Variants in ADAMTSL1 observed in about 807,000 individuals in gnomAD.
ADAMTSL1 encodes the protein ADAMTS like 1.
A neutral mutation model predicts 201.8 loss-of-function variants in ADAMTSL1; 126 were observed. The ratio of observed to expected loss-of-function variants is 0.62; its 90% CI spans 0.54 to 0.72. The LOEUF is 0.72. ADAMTSL1 is among the 30% of genes least tolerant of loss of function. ADAMTSL1 has a pLI of 0.00. For missense variants in ADAMTSL1, 2,679 were observed against 2,277.8 expected, an observed-to-expected ratio of 1.18 and a Z score of -3.59; for synonymous variants, 1,121 against 903.4, an observed-to-expected ratio of 1.24 and a Z score of -4.32.
chr9:18,077,563 C>G (rs1482910704), intron 1 of ADAMTSL1, among the ~76,000 whole-genome samples: 2 of 152,128 alleles, frequency 1.3e-5, no homozygotes, highest in African/African-American at 4.8e-5. Flanking sequence ...TATCGGTGAT[C>G]TCACTGAGAA....
Position 18,688,891 on chromosome 9 carries a change from G to A in ADAMTSL1, c.1574+4091G>A, listed in dbSNP as rs547467100. On this transcript the variant is annotated intron_variant, in intron 13 of 28. Transcript: ENST00000380548. ...TTTTTCCGAGGGTAATAGCAGTGCC[G>A]TGCTAGTACTAGAAAAGGGGGGATG... 1.5e-4 allele frequency among the ~76,000 whole-genome samples: 23 copies of A among 150,594 alleles called. 1 individual carries two copies. The South Asian group carries it at 2.1e-3, about 14-fold the overall frequency.
In ADAMTSL1 at chr9:17,911,376, C is replaced by A. The variant is rs1339654998; in HGVS notation, c.87+4454C>A. On this transcript the variant is annotated intron_variant, in intron 1 of 29. Coordinates refer to the ADAMTSL1 transcript ENST00000680146. ...CCAGTAGATATTATCAATTACTTAA[C>A]GATTTCTACAACCTGACTGTAGCAA... Among the ~76,000 whole-genome samples the A allele has an allele frequency of 1.3e-4, 9 of 68,616 alleles. 4 individuals carry two copies. The South Asian group carries it at 6.0e-3, about 46-fold the overall frequency. 45.0% of individuals were successfully genotyped at this position (68,616 alleles called of 152,430 possible). A position where few individuals can be genotyped will look rare whatever the true frequency, so the allele number is the denominator to read the frequency against.
chr9:18,180,285 G>A (rs1262099275), intron 2 of ADAMTSL1, among the ~76,000 whole-genome samples: 1 of 152,190 alleles, frequency 6.6e-6, no homozygotes, highest in Non-Finnish European at 1.5e-5. Context: ...TGTAATCCCA[G>A]CACTTTGGGA....
rs141612230 is a variant in ADAMTSL1, at chr9:18,408,527, C to T, written c.208-96302C>T. Among the ~76,000 whole-genome samples the T allele has an allele frequency of 4.5e-4, 68 of 152,270 alleles. No homozygotes were observed. In the East Asian group the frequency reaches 0.012, roughly 26 times the overall value. ...TATTAAGTACCTAGTATGTGCTGGT[C>T]ACTATACTGGGCCCTGGTGATACCA... On this transcript the variant is annotated intron_variant, in intron 2 of 29. Transcript: ENST00000680146.
chr9:18,824,704 T>TC (rs1423760251), intron 21 of ADAMTSL1, among the ~76,000 whole-genome samples: 1 of 140,342 alleles, frequency 7.1e-6, no homozygotes, highest in Non-Finnish European at 1.5e-5. Context: ...TTTTTTTTTT[T>TC]TTTTTTTTTT....
chr9:18,327,287 A>C (rs187430530), intron 2 of ADAMTSL1, among the ~76,000 whole-genome samples: 3,450 of 152,330 alleles, frequency 0.023, 84 homozygotes, highest in African/African-American at 0.064. Context: ...ATGATGTCAC[A>C]CTATGGTTAT....
At chr9:18,276,508 G>A (rs572197661) in intron 2 of ADAMTSL1, among the ~76,000 whole-genome samples, 1 of 152,212 alleles carries the variant, frequency 6.6e-6, no homozygotes, top group South Asian at 2.1e-4. Flanking sequence ...AAATTAACAT[G>A]TGTGTTATTC....
intron 23 of ADAMTSL1, among the ~76,000 whole-genome samples, chr9:18,836,708 T>C (rs1329300543): frequency 6.6e-6 from 1 of 152,214 alleles, no homozygotes; most frequent in Non-Finnish European, 1.5e-5. Flanking sequence ...ATACTAATGA[T>C]ATTGGTTCTT....
At chr9:18,513,816 T>C (rs1360209431) in intron 2 of ADAMTSL1, among the ~76,000 whole-genome samples, 1 of 152,206 alleles carries the variant, frequency 6.6e-6, no homozygotes, top group African/African-American at 2.4e-5. Context: ...GTTCTATTGG[T>C]GTATATGTCT....
At chr9:18,647,542 C>G (rs1227705467) in intron 7 of ADAMTSL1, among the ~76,000 whole-genome samples, 6 of 152,108 alleles carry the variant, frequency 3.9e-5, no homozygotes, top group Non-Finnish European at 8.8e-5. Context: ...GAATTTCCCT[C>G]TACACACTGC....
chr9:18,809,463 G>A (rs541066522), intron 20 of ADAMTSL1, among the ~76,000 whole-genome samples: 3 of 152,250 alleles, frequency 2.0e-5, no homozygotes, highest in Admixed American at 1.3e-4. Context: ...ATAGACCACT[G>A]GGTCTTAATG....
chr9:18,661,536 C>T (rs1829092928), intron 8 of ADAMTSL1, among the ~76,000 whole-genome samples: 1 of 152,086 alleles, frequency 6.6e-6, no homozygotes, highest in Non-Finnish European at 1.5e-5. Flanking sequence ...CTCCCTAGTG[C>T]CCCAGGTACT....
intron 2 of ADAMTSL1, among the ~76,000 whole-genome samples, chr9:18,313,407 A>C (rs1351476910): frequency 1.3e-5 from 2 of 152,198 alleles, no homozygotes; most frequent in East Asian, 3.9e-4. Flanking sequence ...AATTTATTTT[A>C]ACAAACATTT....
intron 22 of ADAMTSL1, among the ~76,000 whole-genome samples, chr9:18,829,099 A>C (rs773398336): frequency 2.0e-5 from 3 of 152,246 alleles, no homozygotes; most frequent in Non-Finnish European, 2.9e-5. Flanking sequence ...TCCCACCACT[A>C]AGTTCAGCAG....
intron 3 of ADAMTSL1, among the ~76,000 whole-genome samples, chr9:18,540,271 A>T (rs1477763918): frequency 6.6e-6 from 1 of 152,218 alleles, no homozygotes; most frequent in Non-Finnish European, 1.5e-5. Flanking sequence ...TGAGATGCAG[A>T]TGATAAAGTT....
intron 1 of ADAMTSL1, among the ~76,000 whole-genome samples, chr9:18,027,994 TG>T (rs1820773719): frequency 6.6e-6 from 1 of 152,134 alleles, no homozygotes; most frequent in Non-Finnish European, 1.5e-5. Flanking sequence ...TTACTATTCT[TG>T]GTTTAAAATC....
intron 1 of ADAMTSL1, among the ~76,000 whole-genome samples, chr9:17,917,262 C>G (rs1226345223): frequency 2.0e-5 from 3 of 152,022 alleles, no homozygotes; most frequent in African/African-American, 7.2e-5. Flanking sequence ...TGTATTATGA[C>G]ACTACCTTCG....
intron 5 of ADAMTSL1, among the ~76,000 whole-genome samples, chr9:18,630,052 C>T (rs1337449701): frequency 6.6e-6 from 1 of 152,042 alleles, no homozygotes; most frequent in Non-Finnish European, 1.5e-5. Context: ...ACAAATTTTA[C>T]TTTCTTGGGT....
At chr9:18,007,278 TTC>T (rs1255260289) in intron 1 of ADAMTSL1, among the ~76,000 whole-genome samples, 1 of 152,056 alleles carries the variant, frequency 6.6e-6, no homozygotes, top group Admixed American at 6.6e-5. Context: ...CTCTTGATGT[TTC>T]TCTCTGATAA....
Sources: allele counts gnomAD v4.1 joint callset (sites outside exome capture counted in the v4.1 genomes callset), GRCh38; gene constraint gnomAD v4.1.1; transcripts MANE v1.5; gene names NCBI Gene and HGNC (gene_info 2026-07-23, HGNC 2026-07-21).